Variants in FGFRL1 observed in about 807,000 individuals in gnomAD.
FGFRL1 encodes the protein fibroblast growth factor receptor like 1, also known as fibroblast growth factor receptor-like 1.
FGFRL1 carries 24 observed loss-of-function variants against 36.8 expected under a neutral mutation model. That is an observed-to-expected ratio of 0.65 (90% CI 0.47 to 0.92). The LOEUF (loss-of-function observed/expected upper bound fraction) is 0.92, where lower values mean the gene tolerates loss of function less well. Among genes scored for constraint, FGFRL1 ranks in the 40% least tolerant of loss-of-function variants. The pLI, the probability that FGFRL1 is intolerant of heterozygous loss-of-function variation, is 0.00. For synonymous variants in FGFRL1, 422 were observed against 344.1 expected, an observed-to-expected ratio of 1.23 and a Z score of -2.50; for missense variants, 785 against 753.4, an observed-to-expected ratio of 1.04 and a Z score of -0.49.
intron 2 of FGFRL1, among the ~76,000 whole-genome samples, chr4:1,015,639 C>T (rs758037448): frequency 6.6e-5 from 10 of 152,236 alleles, no homozygotes; most frequent in African/African-American, 2.2e-4. Context: ...GGCTCAATTA[C>T]TTCTTGCCTG....
chr4:1,021,292 A>G (rs73070417), intron 2 of FGFRL1, among the ~76,000 whole-genome samples: 2,513 of 152,072 alleles, frequency 0.017, 52 homozygotes, highest in African/African-American at 0.052. Context: ...GCTTCTCCAC[A>G]TAGGGTGGGA....
In FGFRL1 at chr4:1,022,136, T is replaced by A. The variant is rs575867988; in HGVS notation, c.80-67T>A. ...TCTGTGCTGGGCCGTGGGTCCCCTT[T>A]TGACCGCCCCCCCGGCTCCGGACCC... is the stretch of plus-strand genomic sequence containing the variant. On this transcript the variant is annotated intron_variant, in intron 2 of 6. Coordinates refer to ENST00000510644, the MANE Select transcript of FGFRL1 (RefSeq NM_001004356.3). 2.1e-4 allele frequency: 273 copies of A among 1,276,380 alleles called. 1 individual carries two copies. The highest frequency in any genetic ancestry group is 3.0e-5 in the African/African-American group (2 of 66,076). 79.1% of individuals were successfully genotyped at this position (1,276,380 alleles called of 1,614,324 possible).
At position 1,023,595 on chromosome 4, in the gene FGFRL1, G is replaced by T; in HGVS notation, c.353-46G>T. The stretch of plus-strand genomic sequence containing the variant: ...ACGGGGGAGTTGGGGGAGCTCCTCA[G>T]GGCCCCCCTCACCTGCCCTCCCTGT... On this transcript the variant is annotated intron_variant, in intron 3 of 6. Coordinates refer to ENST00000510644, the MANE Select transcript of FGFRL1 (RefSeq NM_001004356.3). This position sits in a 1 kb window ranked among gnomAD's most constrained non-coding sequence, Gnocchi z 6.0. 1 of 1,536,366 alleles carries T rather than the reference G, an allele frequency of 6.5e-7. No individual in the cohort carries two copies. Among genetic ancestry groups the T allele is most frequent in the Non-Finnish European group, 8.8e-7 (1 of 1,134,188 alleles).
intron 2 of FGFRL1, among the ~76,000 whole-genome samples, chr4:1,014,723 C>T (rs778643936): frequency 6.6e-6 from 1 of 152,238 alleles, no homozygotes; most frequent in African/African-American, 2.4e-5. Context: ...CAGGCCCTTC[C>T]GGGCAGTGGC....
rs979756976 is a variant in FGFRL1 at position 1,023,291 on chromosome 4, C to T, written c.353-350C>T. Among the ~76,000 whole-genome samples, 12 of 152,014 alleles carry T rather than the reference C, an allele frequency of 7.9e-5. No homozygotes were observed. In the East Asian group the frequency reaches 1.4e-3, roughly 17 times the overall value. On this transcript the variant is annotated intron_variant, in intron 3 of 6. Transcript: ENST00000510644. This position sits in a 1 kb window ranked among gnomAD's most constrained non-coding sequence, Gnocchi z 6.0. ...CGATGACCGGGTGGTATGAGAGTCT[C>T]GTCTGTTCACCAGCCCTCGGCCCCT...
intron 2 of FGFRL1, among the ~76,000 whole-genome samples, chr4:1,017,335 C>T (rs28609477): frequency 0.024 from 3,694 of 152,242 alleles, 142 homozygotes; most frequent in African/African-American, 0.08. Context: ...CTTGGGTAGC[C>T]GGTCAGGGTT....
At chr4:1,024,833 TG>T in intron 6 of FGFRL1, 71 bp from the exon 7 acceptor site, 1 of 1,466,592 alleles carries the variant, frequency 6.8e-7, no homozygotes, top group Non-Finnish European at 9.1e-7. Flanking sequence ...GCCCCTGGGA[TG>T]GGTCTGGGGT....
intron 2 of FGFRL1, among the ~76,000 whole-genome samples, chr4:1,016,866 T>G (rs1381549245): frequency 1.3e-5 from 2 of 152,124 alleles, no homozygotes; most frequent in Admixed American, 6.5e-5. Context: ...TGCACTTGGC[T>G]TCCTGAGGAG....
chr4:1,021,112 G>T (rs1716153060), intron 2 of FGFRL1, among the ~76,000 whole-genome samples: 1 of 116,594 alleles, frequency 8.6e-6, no homozygotes, highest in Non-Finnish European at 1.8e-5. Flanking sequence ...CCCAGGCAGG[G>T]AATGGGGTGG....
rs778281827 is a variant in FGFRL1, at chr4:1,023,885, G to A, written c.502G>A (p.Val168Met). 10 of 1,581,928 alleles carry A rather than the reference G, an allele frequency of 6.3e-6. No homozygotes were observed. In the Admixed American group the frequency reaches 7.0e-5, roughly 11 times the overall value. ...GATCGCACGGCCCGTGGGTAGCTCC[G>A]TGCGGCTCAAGTGCGTGGCCAGCGG... ...RVIARPVGSS[V>M]RLKCVASGHP... The change falls in exon 5 of 7, where the codon GTG becomes ATG. Residue 168 changes from valine to methionine, a missense_variant. Coordinates refer to ENST00000510644, the MANE Select transcript of FGFRL1 (RefSeq NM_001004356.3). This position sits in a 1 kb window ranked among gnomAD's most constrained non-coding sequence, Gnocchi z 6.0.
At position 1,024,064 on chromosome 4, in the gene FGFRL1, G is replaced by A. The variant is rs749230766; in HGVS notation, c.681G>A (p.Ala227=). The A allele has an allele frequency of 5.1e-5, 81 of 1,603,068 alleles. No homozygotes were observed. The African/African-American group carries it at 7.0e-4, about 14-fold the overall frequency. Residue 227 remains alanine, a synonymous_variant, in exon 5 of 7, where the codon GCG becomes GCA. Coordinates refer to ENST00000510644, the MANE Select transcript of FGFRL1 (RefSeq NM_001004356.3). ...ACACCTGCCGCGTGTCGAACCGCGC[G>A]GGCGCCATCAACGCCACCTACAAGG... The part of the protein sequence containing the change: ...GKYTCRVSNR[A]GAINATYKVD...
intron 2 of FGFRL1, among the ~76,000 whole-genome samples, chr4:1,016,580 A>G (rs1715898076): frequency 6.6e-6 from 1 of 152,014 alleles, no homozygotes; most frequent in South Asian, 2.1e-4. Context: ...GCTGGGCAGC[A>G]TGGTGGGCCA....
rs1240108584 is a variant in FGFRL1 at position 1,026,681 on chromosome 4, A to G, written c.*1334A>G. ...TGAAGATAATATTAATAATGATGGA[A>G]GGAAGACTGGGTTGCAGGGACTGTG... On this transcript the variant is annotated 3_prime_UTR_variant, in exon 7 of 7. Transcript: ENST00000510644. 1 of 320,934 alleles carries G rather than the reference A, an allele frequency of 3.1e-6. No homozygotes were observed. The highest frequency in any genetic ancestry group is 6.1e-6 in the Non-Finnish European group (1 of 163,980). 19.9% of individuals were successfully genotyped at this position (320,934 alleles called of 1,614,324 possible). A position where few individuals can be genotyped will look rare whatever the true frequency, so the allele number is the denominator to read the frequency against.
intron 2 of FGFRL1, among the ~76,000 whole-genome samples, chr4:1,019,750 G>A (rs1170764211): frequency 6.6e-6 from 1 of 152,210 alleles, no homozygotes; most frequent in Admixed American, 6.5e-5. Flanking sequence ...GGGCTTCAGG[G>A]CTGGGGCCCA....
chr4:1,024,721 C>T, intron 6 of FGFRL1, 57 bp downstream of exon 6: 1 of 1,510,522 alleles, frequency 6.6e-7, no homozygotes, highest in Non-Finnish European at 8.9e-7. Context: ...GCCCCCTGGG[C>T]CCGGCGTCCC....
chr4:1,022,131 C>T, intron 2 of FGFRL1, 72 bp from the exon 3 acceptor site: 2 of 1,213,440 alleles, frequency 1.6e-6, no homozygotes, highest in Non-Finnish European at 2.3e-6. Context: ...GCCGTGGGTC[C>T]CCTTTTGACC....
In FGFRL1 at chr4:1,014,558, C is replaced by G. The variant is rs185051899; in HGVS notation, c.79+1994C>G. Among the ~76,000 whole-genome samples the G allele has an allele frequency of 3.3e-3, 507 of 152,276 alleles. 6 individuals are homozygous for G. The highest frequency in any genetic ancestry group is 6.0e-3 in the South Asian group (29 of 4,830). ...TGACCCAGGTGGGCAGGGTGCCTGT[C>G]CAGGGGTGCCCCATGCCTGGGGGGT... On this transcript the variant is annotated intron_variant, in intron 2 of 6. Transcript: ENST00000510644.
rs371662825 is a variant in FGFRL1, at chr4:1,014,384, T to C, written c.79+1820T>C. Reference sequence around the variant, plus strand: ...GCATGAAATGTCTTTCACAAATAACTCTGAAGGAAGTCGTTTCAGGGCTTT... The same window carrying C: ...GCATGAAATGTCTTTCACAAATAACCCTGAAGGAAGTCGTTTCAGGGCTTT... On this transcript the variant is annotated intron_variant, in intron 2 of 6. Coordinates refer to ENST00000510644, the MANE Select transcript of FGFRL1 (RefSeq NM_001004356.3). 3.6e-4 allele frequency among the ~76,000 whole-genome samples: 55 copies of C among 152,310 alleles called. No individual in the cohort carries two copies. In the South Asian group the frequency reaches 9.1e-3, roughly 25 times the overall value.
intron 2 of FGFRL1, among the ~76,000 whole-genome samples, chr4:1,012,813 C>T (rs4690164): frequency 0.012 from 1,801 of 152,354 alleles, 55 homozygotes; most frequent in Admixed American, 0.069. Context: ...GGCTTTAGTC[C>T]TGGCTCCCCA....
Sources: allele counts gnomAD v4.1 joint callset (sites outside exome capture counted in the v4.1 genomes callset), GRCh38; gene constraint gnomAD v4.1.1; non-coding constraint Gnocchi (gnomAD v3.1); transcripts MANE v1.5; gene names NCBI Gene and HGNC (gene_info 2026-07-23, HGNC 2026-07-21).